Variants in SYTL2 observed in about 807,000 individuals in gnomAD.
SYTL2 encodes synaptotagmin like 2.
Under a neutral mutation model 198.7 loss-of-function variants are expected in SYTL2, and 165 were observed. The observed-to-expected ratio is 0.83, with a 90% CI of 0.73 to 0.94. The LOEUF is 0.94. Ranked by LOEUF, SYTL2 falls within the 40% of genes least tolerant of loss-of-function variation. The probability of loss-of-function intolerance (pLI) is 0.00; values close to 1 mark genes in which losing one functional copy is unlikely to be tolerated. For synonymous variants in SYTL2, 966 were observed against 917.7 expected (o/e 1.05, Z -0.95); for missense variants, 2,835 against 2,582.8 (o/e 1.10, Z -2.12).
chr11:85,821,938 G>A, the SYTL2 span, among the ~76,000 whole-genome samples: 1,869 of 151,448 alleles, frequency 0.012, 16 homozygotes, highest in Middle Eastern at 0.031. Flanking sequence ...TGGCAGCAGA[G>A]CCAGCCACAC....
chr11:85,815,093 C>A (rs2093059866), upstream of SYTL2, among the ~76,000 whole-genome samples: 1 of 152,078 alleles, frequency 6.6e-6, no homozygotes, highest in South Asian at 2.1e-4. Context: ...TCATTGATAC[C>A]CAAAATGACT....
In SYTL2 at chr11:85,727,314, G is replaced by A. The variant is rs80057868; in HGVS notation, c.2044C>T (p.Gln682Ter). The A allele has an allele frequency of 9.8e-5, 151 of 1,535,716 alleles. 1 individual carries two copies. The East Asian group carries it at 3.3e-3, about 33-fold the overall frequency. The stretch of plus-strand genomic sequence containing the variant: ...ATATTATTAGTGTTGCATGGAACTT[G>A]GTTTTCTGCATCAGATTCCTTGAGA... ...SVLKESDAENQVPCNTNNIGN... is the reference protein window; with the variant it reads ...SVLKESDAEN The change falls in exon 8 of 20, where the codon CAA becomes TAA. Residue 682 changes from glutamine to a stop codon, truncating the protein, a stop_gained. Coordinates refer to ENST00000359152, the MANE Select transcript of SYTL2 (RefSeq NM_206927.4). LOFTEE classifies it high-confidence loss of function.
chr11:85,725,310 T>C lies in SYTL2; in HGVS notation c.4048A>G (p.Thr1350Ala). The change falls in exon 8 of 20, where the codon ACG (threonine) becomes GCG (alanine). Residue 1350 changes from threonine to alanine, a missense_variant. Transcript: ENST00000359152. ...VPQARVHPSQ[T>A]EISETVEKVI... ...TTCTCTACAGTCTCCGAAATTTCCG[T>C]TTGAGAAGGGTGTACCCTAGCCTGG... is the stretch of plus-strand genomic sequence containing the variant. The C allele has an allele frequency of 1.2e-6, 2 of 1,614,032 alleles. No homozygotes were observed. The highest frequency in any genetic ancestry group is 8.5e-7 in the Non-Finnish European group (1 of 1,179,974).
At chr11:85,822,156 C>T in the SYTL2 span, among the ~76,000 whole-genome samples, 1 of 152,216 alleles carries the variant, frequency 6.6e-6, no homozygotes, top group Non-Finnish European at 1.5e-5. Flanking sequence ...TGAAGGGATT[C>T]GCACCCTAGT....
chr11:85,721,335 A>C (rs186861495), intron 8 of SYTL2, among the ~76,000 whole-genome samples: 189 of 152,258 alleles, frequency 1.2e-3, no homozygotes, highest in Middle Eastern at 3.4e-3. Flanking sequence ...GCATTAATAA[A>C]ATTAATTCAA....
intron 1 of SYTL2, among the ~76,000 whole-genome samples, chr11:85,784,343 A>C (rs1178355943): frequency 2.6e-5 from 4 of 152,060 alleles, no homozygotes; most frequent in Non-Finnish European, 5.9e-5. Context: ...GTATTCTCCC[A>C]TTAGGAAACC....
At chr11:85,829,242 T>C in the SYTL2 span, among the ~76,000 whole-genome samples, 29 of 152,268 alleles carry the variant, frequency 1.9e-4, no homozygotes, top group East Asian at 5.0e-3. Context: ...CCCTCCCTCA[T>C]CTGGTAGTCC....
rs372685279 is a variant in SYTL2, at chr11:85,725,940, G to A, written c.3418C>T (p.Leu1140Phe). The change falls in exon 8 of 20, where the codon CTT becomes TTT. Residue 1140 changes from leucine to phenylalanine, a missense_variant. By Grantham distance (22) the Leu-to-Phe change is conservative. Transcript: ENST00000359152. ...DTFNDSLQKLLSETSTPAIQP... is the reference protein window; with the variant it reads ...DTFNDSLQKLFSETSTPAIQP... Reference sequence around the variant, plus strand: ...ATTGCTGGTGTTGAGGTTTCTGAAAGCAGTTTCTGCAAGCTGTCATTAAAA... The same window carrying A: ...ATTGCTGGTGTTGAGGTTTCTGAAAACAGTTTCTGCAAGCTGTCATTAAAA... 6.2e-7 allele frequency: 1 copy of A among 1,614,164 alleles called. No individual in the cohort carries two copies.
chr11:85,827,791 T>G, the SYTL2 span, among the ~76,000 whole-genome samples: 2 of 152,200 alleles, frequency 1.3e-5, no homozygotes, highest in Non-Finnish European at 2.9e-5. Flanking sequence ...CCTTGTCAAG[T>G]CTGTGTTGAT....
chr11:85,731,282 C>A (rs570097928), intron 7 of SYTL2, among the ~76,000 whole-genome samples: 14 of 152,268 alleles, frequency 9.2e-5, no homozygotes, highest in African/African-American at 3.4e-4. Flanking sequence ...CCAACACGTT[C>A]CTAAGCAAAA....
At chr11:85,836,122 A>G in the SYTL2 span, among the ~76,000 whole-genome samples, 1 of 152,180 alleles carries the variant, frequency 6.6e-6, no homozygotes, top group Non-Finnish European at 1.5e-5. Context: ...AAACAAACAT[A>G]TAACTAATCC....
chr11:85,763,186 C>T (rs1297365274), intron 1 of SYTL2, among the ~76,000 whole-genome samples: 1 of 152,262 alleles, frequency 6.6e-6, no homozygotes, highest in East Asian at 1.9e-4. Context: ...TACTGTGAGG[C>T]TCTGGTGAGA....
At chr11:85,730,417 T>C (rs2089680516) in intron 7 of SYTL2, among the ~76,000 whole-genome samples, 1 of 152,268 alleles carries the variant, frequency 6.6e-6, no homozygotes, top group Non-Finnish European at 1.5e-5. Context: ...GCTTCATCCC[T>C]GGGATGAAAG....
At chr11:85,847,923 A>G in the SYTL2 span, among the ~76,000 whole-genome samples, 1 of 152,100 alleles carries the variant, frequency 6.6e-6, no homozygotes. Context: ...TTGCCTTTTC[A>G]TCTTCTTAAA....
At chr11:85,721,063 A>G (rs1172794950) in intron 8 of SYTL2, 104 bp from the exon 9 acceptor site, 4 of 666,566 alleles carry the variant, frequency 6.0e-6, no homozygotes, top group African/African-American at 1.8e-5. Context: ...ACATTATGCT[A>G]TGAGTTTCTA....
intron 7 of SYTL2, among the ~76,000 whole-genome samples, chr11:85,733,280 T>A (rs1196136406): frequency 6.6e-6 from 1 of 152,242 alleles, no homozygotes; most frequent in African/African-American, 2.4e-5. Context: ...ATTTACCCTG[T>A]ACAAAGGTAT....
chr11:85,766,673 G>A (rs776979672), intron 1 of SYTL2, among the ~76,000 whole-genome samples: 1 of 152,138 alleles, frequency 6.6e-6, no homozygotes, highest in Non-Finnish European at 1.5e-5. Context: ...ATTTGTATGC[G>A]CCAGAAGTTC....
At chr11:85,745,334 A>T (rs530088179) in intron 4 of SYTL2, among the ~76,000 whole-genome samples, 1 of 152,104 alleles carries the variant, frequency 6.6e-6, no homozygotes, top group African/African-American at 2.4e-5. Context: ...GTACCTCTTC[A>T]TTCTACTCTA....
chr11:85,757,778 G>A lies in SYTL2; in HGVS notation c.-53C>T, dbSNP rs2091953840. ...CAACAAATGTGGCTCAAAATTCTCA[G>A]GGCTGAACAACTAAGACTGCAACCA... On this transcript the variant is annotated 5_prime_UTR_variant, in exon 2 of 20. Transcript: ENST00000359152. The A allele has an allele frequency of 1.3e-6, 2 of 1,599,776 alleles. No individual in the cohort carries two copies. The highest frequency in any genetic ancestry group is 1.7e-6 in the Non-Finnish European group (2 of 1,177,196).
Sources: gnomAD v4.1 joint callset for allele counts (sites outside exome capture counted in the v4.1 genomes callset) on GRCh38, gnomAD v4.1.1 for gene constraint, MANE v1.5 for transcripts, NCBI Gene and HGNC (gene_info 2026-07-23, HGNC 2026-07-21) for gene names.